IDNK: variants seen among roughly 807,000 people sequenced by gnomAD.
The protein encoded by IDNK is IDNK gluconokinase, also known as gluconokinase.
In IDNK, 9 loss-of-function variants were observed where a neutral mutation model predicts 13.0. The ratio of observed to expected loss-of-function variants is 0.69; its 90% CI spans 0.42 to 1.21. The LOEUF is 1.21. Among genes scored for constraint, IDNK ranks in the 50% most tolerant of loss-of-function variants. The pLI is 0.00. For missense variants in IDNK, 210 were observed against 237.8 expected (o/e 0.88, Z 0.77); for synonymous variants, 92 against 94.9 (o/e 0.97, Z 0.18).
intron 3 of IDNK, among the ~76,000 whole-genome samples, chr9:83,638,234 T>C (rs1391550618): frequency 6.6e-6 from 1 of 151,860 alleles, no homozygotes; most frequent in African/African-American, 2.4e-5. Flanking sequence ...GAACTAGACA[T>C]AATAGAATCA....
intron 2 of IDNK, 137 bp downstream of exon 2, chr9:83,628,348 C>A: frequency 1.3e-6 from 1 of 772,474 alleles, no homozygotes. Flanking sequence ...TGTTTTTCTC[C>A]TTGGTGATTA....
At chr9:83,627,077 GA>G (rs1830872946) in intron 1 of IDNK, 1 of 153,858 alleles carries the variant, frequency 6.5e-6, no homozygotes, top group Non-Finnish European at 1.4e-5. Context: ...GCAAGGGAAT[GA>G]AAGAAAGTTT....
intron 3 of IDNK, among the ~76,000 whole-genome samples, chr9:83,631,513 A>T (rs1227841148): frequency 6.7e-6 from 1 of 148,462 alleles, no homozygotes; most frequent in African/African-American, 2.5e-5. Flanking sequence ...TCGGGAGGCT[A>T]AGGTGGGAGG....
At chr9:83,631,853 C>T (rs1235208559) in intron 3 of IDNK, among the ~76,000 whole-genome samples, 1 of 152,050 alleles carries the variant, frequency 6.6e-6, no homozygotes, top group East Asian at 1.9e-4. Context: ...ATTTCAAAGC[C>T]ACCAGTCAGT....
intron 3 of IDNK, among the ~76,000 whole-genome samples, chr9:83,637,123 A>G (rs1831186221): frequency 1.3e-5 from 2 of 152,232 alleles, no homozygotes; most frequent in Admixed American, 6.5e-5. Flanking sequence ...CATTTAGATT[A>G]TAATTTGTGT....
At chr9:83,623,288 T>C in intron 1 of IDNK, 67 bp downstream of exon 1, 1 of 1,302,098 alleles carries the variant, frequency 7.7e-7, no homozygotes, top group Non-Finnish European at 1.0e-6. Context: ...GCCGGACGCG[T>C]CGCCGTCCCT....
At chr9:83,632,272 C>A (rs1054964481) in intron 3 of IDNK, among the ~76,000 whole-genome samples, 7 of 152,146 alleles carry the variant, frequency 4.6e-5, no homozygotes, top group Admixed American at 4.6e-4. Flanking sequence ...TCTCTTTACC[C>A]ATCATCCCCT....
At chr9:83,626,504 C>A in intron 1 of IDNK, 1 of 398,326 alleles carries the variant, frequency 2.5e-6, no homozygotes, top group South Asian at 1.8e-5. Context: ...GCAACCTCTG[C>A]CTCCTGAGTT....
chr9:83,628,802 A>T, intron 2 of IDNK, 71 bp from the exon 3 acceptor site: 1 of 1,070,952 alleles, frequency 9.3e-7, no homozygotes, highest in Middle Eastern at 2.0e-4. Context: ...CCTGCCTGTT[A>T]GTAATCCCAC....
upstream of IDNK, chr9:83,623,016 A>G: frequency 2.1e-6 from 1 of 479,308 alleles, no homozygotes; most frequent in South Asian, 4.4e-5. Flanking sequence ...AGGGAGGAGG[A>G]AAGCATGGAA....
chr9:83,627,626 A>G (rs1830890501), intron 1 of IDNK, among the ~76,000 whole-genome samples: 1 of 152,208 alleles, frequency 6.6e-6, no homozygotes, highest in Non-Finnish European at 1.5e-5. Flanking sequence ...TGCTCTACAC[A>G]GAGAACATTT....
At chr9:83,634,154 T>G (rs1165914891) in intron 3 of IDNK, among the ~76,000 whole-genome samples, 1 of 152,230 alleles carries the variant, frequency 6.6e-6, no homozygotes, top group East Asian at 1.9e-4. Flanking sequence ...AATCATTTAA[T>G]TATGATTCAC....
intron 2 of IDNK, among the ~76,000 whole-genome samples, chr9:83,628,614 T>C (rs1830926346): frequency 6.6e-6 from 1 of 151,116 alleles, no homozygotes; most frequent in African/African-American, 2.4e-5. Flanking sequence ...ATTGCGCCAC[T>C]GTACTCCAGC....
At chr9:83,629,549 T>G (rs1830955983) in intron 3 of IDNK, among the ~76,000 whole-genome samples, 1 of 152,198 alleles carries the variant, frequency 6.6e-6, no homozygotes, top group African/African-American at 2.4e-5. Context: ...CCCCTCCCAC[T>G]GCAATGCTTC....
intron 1 of IDNK, chr9:83,627,904 T>A: frequency 1.7e-6 from 1 of 583,442 alleles, no homozygotes. Flanking sequence ...CAAAAACTGA[T>A]TACTGAAGAA....
chr9:83,641,425 C>T, intron 3 of IDNK, 123 bp from the exon 4 acceptor site: 1 of 1,082,934 alleles, frequency 9.2e-7, no homozygotes, highest in Non-Finnish European at 1.4e-6. Context: ...TGGCCCACTC[C>T]TCACACCACT....
In IDNK at chr9:83,643,803, C is replaced by T; in HGVS notation, c.*23C>T. 1 of 1,518,598 alleles carries T rather than the reference C, an allele frequency of 6.6e-7. No individual in the cohort carries two copies. Among genetic ancestry groups the T allele is most frequent in the Non-Finnish European group, 9.1e-7 (1 of 1,102,362 alleles). The allele number at this position is 1,518,598 out of a possible 1,614,324, so 94.1% of individuals were successfully genotyped here. On this transcript the variant is annotated 3_prime_UTR_variant, in exon 5 of 5. Transcript: ENST00000376419. ...TGACAATGATTTTGTATCAGTGGTC[C>T]AAACAGAACTAAGCATAAATCATTG...
chr9:83,625,477 T>A (rs1254994444), intron 1 of IDNK, among the ~76,000 whole-genome samples: 1 of 152,070 alleles, frequency 6.6e-6, no homozygotes, highest in Non-Finnish European at 1.5e-5. Flanking sequence ...ACCAAAGGAG[T>A]GCATGTAGAT....
chr9:83,629,491 G>A (rs962269767), intron 3 of IDNK, among the ~76,000 whole-genome samples: 1 of 152,156 alleles, frequency 6.6e-6, no homozygotes, highest in Non-Finnish European at 1.5e-5. Context: ...GCCTCTTTAG[G>A]AGCCATGCGC....
Sources: gnomAD v4.1 joint callset for allele counts (sites outside exome capture counted in the v4.1 genomes callset) on GRCh38, gnomAD v4.1.1 for gene constraint, MANE v1.5 for transcripts, NCBI Gene and HGNC (gene_info 2026-07-23, HGNC 2026-07-21) for gene names.